The following GRID2 variants were observed in gnomAD, a reference collection of about 807,000 sequenced individuals.
GRID2 encodes glutamate receptor ionotropic, delta-2.
Under a neutral mutation model 114.8 loss-of-function variants are expected in GRID2, and 33 were observed. The observed-to-expected ratio is 0.29, with a 90% CI of 0.22 to 0.38. The LOEUF is 0.38. GRID2 is among the 10% of genes least tolerant of loss of function. The pLI is 1.00. For missense variants in GRID2, 1,184 were observed against 1,257.7 expected (o/e 0.94, Z 0.89); for synonymous variants, 505 against 449.9 (o/e 1.12, Z -1.55).
intron 2 of GRID2, among the ~76,000 whole-genome samples, chr4:92,950,818 G>T (rs943438283): frequency 3.3e-5 from 5 of 152,282 alleles, no homozygotes; most frequent in African/African-American, 1.2e-4. Context: ...CCAGGTAAAA[G>T]AGAAGAAGAG....
At chr4:93,000,023 A>G (rs1045774108) in intron 2 of GRID2, among the ~76,000 whole-genome samples, 3 of 151,690 alleles carry the variant, frequency 2.0e-5, no homozygotes, top group Admixed American at 2.0e-4. Flanking sequence ...TTTATATGAG[A>G]ATTTCAGTTA....
At chr4:92,371,850 T>G (rs970219883) in intron 1 of GRID2, among the ~76,000 whole-genome samples, 2 of 152,152 alleles carry the variant, frequency 1.3e-5, no homozygotes, top group Non-Finnish European at 2.9e-5. Flanking sequence ...TTGAAAACCT[T>G]CTGGAAAGGA....
At chr4:92,434,787 T>C (rs965192165) in intron 1 of GRID2, among the ~76,000 whole-genome samples, 2 of 152,138 alleles carry the variant, frequency 1.3e-5, no homozygotes, top group Non-Finnish European at 2.9e-5. Context: ...GATAGATAGA[T>C]ATAATTTGAT....
chr4:92,871,223 T>G (rs1298029264), intron 2 of GRID2, among the ~76,000 whole-genome samples: 1 of 152,128 alleles, frequency 6.6e-6, no homozygotes, highest in Non-Finnish European at 1.5e-5. Context: ...TTTTTTGTTT[T>G]ATAATTGTTA....
intron 2 of GRID2, among the ~76,000 whole-genome samples, chr4:92,722,625 C>T (rs1164138588): frequency 6.6e-6 from 1 of 152,056 alleles, no homozygotes; most frequent in East Asian, 1.9e-4. Flanking sequence ...ATACCAGAGA[C>T]TTATGACTGT....
chr4:92,793,545 T>G (rs767872809), intron 2 of GRID2, among the ~76,000 whole-genome samples: 1 of 148,242 alleles, frequency 6.7e-6, no homozygotes, highest in African/African-American at 2.5e-5. Context: ...GAACATAAAA[T>G]AAAAATTAAA....
At chr4:93,448,509 A>T (rs1463596340) in intron 10 of GRID2, among the ~76,000 whole-genome samples, 1 of 152,012 alleles carries the variant, frequency 6.6e-6, no homozygotes, top group Admixed American at 6.6e-5. Flanking sequence ...CATTGACAAA[A>T]GTCAATCATA....
At chr4:92,805,531 G>A (rs1188982624) in intron 2 of GRID2, among the ~76,000 whole-genome samples, 1 of 152,002 alleles carries the variant, frequency 6.6e-6, no homozygotes, top group African/African-American at 2.4e-5. Flanking sequence ...TTTTATGAAA[G>A]AAATGCCAAC....
chr4:92,838,866 G>A (rs899017824), intron 2 of GRID2: 1 of 151,856 alleles, frequency 6.6e-6, no homozygotes, highest in Admixed American at 6.6e-5. Flanking sequence ...TCTCCTCTCA[G>A]ATCTCTATTA....
At chr4:93,521,524 T>A (rs1730337234) in intron 13 of GRID2, among the ~76,000 whole-genome samples, 1 of 151,970 alleles carries the variant, frequency 6.6e-6, no homozygotes, top group Non-Finnish European at 1.5e-5. Context: ...ATGCTCATGA[T>A]AAAGGGTGAT....
At chr4:93,281,000 G>A (rs1238601561) in intron 8 of GRID2, among the ~76,000 whole-genome samples, 1 of 151,716 alleles carries the variant, frequency 6.6e-6, no homozygotes, top group East Asian at 1.9e-4. Context: ...GGTGAAGGCA[G>A]ACAGACAAAT....
At chr4:92,394,779 C>T (rs1480379239) in intron 1 of GRID2, among the ~76,000 whole-genome samples, 2 of 151,628 alleles carry the variant, frequency 1.3e-5, no homozygotes, top group African/African-American at 4.8e-5. Context: ...TATTTACAAG[C>T]CTTAATTGAA....
chr4:92,370,666 G>A (rs557265872), intron 1 of GRID2, among the ~76,000 whole-genome samples: 11 of 152,224 alleles, frequency 7.2e-5, no homozygotes, highest in Middle Eastern at 6.8e-3. Context: ...AGGATGAGTC[G>A]CACATCTTTC....
chr4:92,695,401 A>G (rs1352260144), intron 2 of GRID2, among the ~76,000 whole-genome samples: 4 of 152,128 alleles, frequency 2.6e-5, no homozygotes, highest in Non-Finnish European at 5.9e-5. Flanking sequence ...AAGGAATACA[A>G]TGATACCGTA....
chr4:92,578,733 A>AATCTACCT, intron 1 of GRID2, among the ~76,000 whole-genome samples: 1 of 149,452 alleles, frequency 6.7e-6, no homozygotes, highest in African/African-American at 2.5e-5. Context: ...TCTATCTATC[A>AATCTACCT]ATCTATCTAT....
At position 92,889,908 on chromosome 4, in the gene GRID2, C is replaced by T. The variant is rs577932534; in HGVS notation, c.245-195087C>T. The stretch of plus-strand genomic sequence containing the variant: ...TAACCAAACAGCATGGTACTGGTAC[C>T]AAAACAGACATATAGACCAATGGAA... On this transcript the variant is annotated intron_variant, in intron 2 of 15. Coordinates refer to ENST00000282020, the MANE Select transcript of GRID2 (RefSeq NM_001510.4). Among the ~76,000 whole-genome samples, 4 of 152,094 alleles carry T rather than the reference C, an allele frequency of 2.6e-5. No individual in the cohort carries two copies. The East Asian group carries it at 7.7e-4, about 29-fold the overall frequency.
At chr4:92,788,243 G>C (rs1037726719) in intron 2 of GRID2, among the ~76,000 whole-genome samples, 1 of 151,736 alleles carries the variant, frequency 6.6e-6, no homozygotes, top group Non-Finnish European at 1.5e-5. Context: ...TGAGTTACTG[G>C]GAAAACTAAA....
At chr4:92,563,459 T>C (rs923106651) in intron 1 of GRID2, among the ~76,000 whole-genome samples, 4 of 152,140 alleles carry the variant, frequency 2.6e-5, no homozygotes, top group African/African-American at 9.7e-5. Flanking sequence ...CCAAGCCTAA[T>C]AATATTACTA....
chr4:93,712,343 A>C (rs1054005564), intron 14 of GRID2, among the ~76,000 whole-genome samples: 1 of 152,100 alleles, frequency 6.6e-6, no homozygotes, highest in South Asian at 2.1e-4. Context: ...ATTTTCTTCC[A>C]TGTAGATAAC....
Sources: gnomAD v4.1 joint callset for allele counts (sites outside exome capture counted in the v4.1 genomes callset) on GRCh38, gnomAD v4.1.1 for gene constraint, MANE v1.5 for transcripts, NCBI Gene and HGNC (gene_info 2026-07-23, HGNC 2026-07-21) for gene names.